Variants in PDZRN4 observed in about 807,000 individuals in gnomAD.
PDZRN4 encodes the protein PDZ domain-containing RING finger protein 4.
A neutral mutation model predicts 99.0 loss-of-function variants in PDZRN4; 70 were observed. The ratio of observed to expected loss-of-function variants is 0.71; its 90% CI spans 0.58 to 0.86. The LOEUF (loss-of-function observed/expected upper bound fraction) is 0.86. Ranked by LOEUF, PDZRN4 falls within the 40% of genes least tolerant of loss-of-function variation. The pLI is 0.00. For synonymous variants in PDZRN4, 551 were observed against 501.6 expected (o/e 1.10, Z -1.32); for missense variants, 1,474 against 1,331.2 (o/e 1.11, Z -1.67).
chr12:41,267,963 G>A (rs1040865233), intron 3 of PDZRN4, among the ~76,000 whole-genome samples: 1 of 152,180 alleles, frequency 6.6e-6, no homozygotes, highest in Middle Eastern at 3.2e-3. Flanking sequence ...GGCTGCCATT[G>A]CTTCCATGGT....
chr12:41,506,858 G>T lies in PDZRN4; in HGVS notation c.1100+146G>T, dbSNP rs1938216076. ...GTTTGGAAAATGTCTCCCCTGTTTT[G>T]ATATGTGCAATTAGTTCTCAGTGGT... is the stretch of plus-strand genomic sequence containing the variant. On this transcript the variant is annotated intron_variant, in intron 4 of 9. Coordinates refer to ENST00000402685, the MANE Select transcript of PDZRN4 (RefSeq NM_001164595.2). The T allele has an allele frequency of 4.7e-6, 4 of 848,918 alleles. No individual in the cohort carries two copies. In the South Asian group the frequency reaches 7.2e-5, roughly 15 times the overall value. 52.6% of individuals were successfully genotyped at this position (848,918 alleles called of 1,614,324 possible).
At chr12:41,484,476 C>T (rs1345049425) in intron 3 of PDZRN4, among the ~76,000 whole-genome samples, 1 of 152,162 alleles carries the variant, frequency 6.6e-6, no homozygotes, top group Non-Finnish European at 1.5e-5. Context: ...CACTTAAAAT[C>T]ACTGCATCTG....
intron 5 of PDZRN4, among the ~76,000 whole-genome samples, chr12:41,518,498 A>C (rs1488411049): frequency 6.6e-6 from 1 of 152,058 alleles, no homozygotes; most frequent in African/African-American, 2.4e-5. Context: ...CTTTGTCTGC[A>C]TTTCAGAGTT....
chr12:41,296,393 G>A (rs1411973751), intron 3 of PDZRN4, among the ~76,000 whole-genome samples: 3 of 152,254 alleles, frequency 2.0e-5, no homozygotes, highest in Middle Eastern at 3.4e-3. Context: ...GCTGCTCAAG[G>A]CATTTGGCTT....
chr12:41,475,791 A>G (rs925864183), intron 3 of PDZRN4, among the ~76,000 whole-genome samples: 7 of 152,306 alleles, frequency 4.6e-5, no homozygotes, highest in East Asian at 1.9e-4. Flanking sequence ...TGCCTGGATG[A>G]TATCTTGAAC....
intron 7 of PDZRN4, among the ~76,000 whole-genome samples, chr12:41,556,181 C>T (rs1382436544): frequency 2.6e-5 from 4 of 152,212 alleles, no homozygotes; most frequent in African/African-American, 9.7e-5. Context: ...GCTATTATTA[C>T]TAGCAGCAGC....
intron 3 of PDZRN4, among the ~76,000 whole-genome samples, chr12:41,344,700 A>G (rs1322313388): frequency 6.7e-6 from 1 of 150,150 alleles, no homozygotes; most frequent in Non-Finnish European, 1.5e-5. Context: ...GTTTCTGTGC[A>G]CTTTTATAAT....
chr12:41,406,052 C>T (rs1167966081), intron 3 of PDZRN4, among the ~76,000 whole-genome samples: 1 of 151,760 alleles, frequency 6.6e-6, no homozygotes, highest in Admixed American at 6.6e-5. Context: ...GCACATGTAC[C>T]CTCTGTATCC....
At chr12:41,481,389 C>T (rs1272571081) in intron 3 of PDZRN4, among the ~76,000 whole-genome samples, 2 of 152,126 alleles carry the variant, frequency 1.3e-5, no homozygotes, top group African/African-American at 2.4e-5. Context: ...ACATATACTT[C>T]TTTGCTCAAA....
chr12:41,366,468 G>T (rs1952001297), intron 3 of PDZRN4, among the ~76,000 whole-genome samples: 1 of 152,070 alleles, frequency 6.6e-6, no homozygotes. Flanking sequence ...CAGCTGAGAA[G>T]TTCCTGGTAA....
chr12:41,571,023 T>C (rs1043600549), intron 9 of PDZRN4, among the ~76,000 whole-genome samples: 1 of 152,136 alleles, frequency 6.6e-6, no homozygotes, highest in Non-Finnish European at 1.5e-5. Context: ...TTAGACTTCT[T>C]TTAGAATATC....
At chr12:41,357,839 A>G (rs1951938423) in intron 3 of PDZRN4, among the ~76,000 whole-genome samples, 1 of 151,970 alleles carries the variant, frequency 6.6e-6, no homozygotes, top group Non-Finnish European at 1.5e-5. Flanking sequence ...CAGTCTCTGA[A>G]TTGTTCCTGG....
intron 3 of PDZRN4, among the ~76,000 whole-genome samples, chr12:41,262,196 T>C (rs985641556): frequency 7.2e-5 from 11 of 152,314 alleles, no homozygotes; most frequent in African/African-American, 2.2e-4. Flanking sequence ...TTCCCAGTGG[T>C]GCTGATTGAT....
rs575012396 is a variant in PDZRN4 at position 41,257,326 on chromosome 12, A to C, written c.843+63138A>C. Among the ~76,000 whole-genome samples, 5 of 152,302 alleles carry C rather than the reference A, an allele frequency of 3.3e-5. No individual in the cohort carries two copies. In the East Asian group the frequency reaches 9.7e-4, roughly 29 times the overall value. ...TTTCATTGTTTCCTCACATGGTGGAAGAGGCAAGGCAGCTCAGAGGCCTCT... is the reference window on the plus strand; with the variant it reads ...TTTCATTGTTTCCTCACATGGTGGACGAGGCAAGGCAGCTCAGAGGCCTCT... On this transcript the variant is annotated intron_variant, in intron 3 of 9. Coordinates refer to ENST00000402685, the MANE Select transcript of PDZRN4 (RefSeq NM_001164595.2).
intron 3 of PDZRN4, among the ~76,000 whole-genome samples, chr12:41,353,542 T>C (rs1346789054): frequency 6.6e-6 from 1 of 152,052 alleles, no homozygotes. Flanking sequence ...TAATGAGACA[T>C]GAATTTGGAG....
At chr12:41,495,593 T>G (rs1436154788) in intron 3 of PDZRN4, among the ~76,000 whole-genome samples, 1 of 152,090 alleles carries the variant, frequency 6.6e-6, no homozygotes, top group Admixed American at 6.6e-5. Context: ...CTAAATGGTT[T>G]CCCTGCTTCC....
intron 3 of PDZRN4, among the ~76,000 whole-genome samples, chr12:41,202,705 A>G (rs948719043): frequency 1.3e-5 from 2 of 152,236 alleles, no homozygotes; most frequent in South Asian, 2.1e-4. Flanking sequence ...AAGAATAGAC[A>G]TTATTCATTA....
intron 3 of PDZRN4, among the ~76,000 whole-genome samples, chr12:41,491,552 A>G (rs1937886697): frequency 6.6e-6 from 1 of 152,054 alleles, no homozygotes; most frequent in African/African-American, 2.4e-5. Context: ...ATAAAAAACA[A>G]AAACCATGAA....
intron 3 of PDZRN4, among the ~76,000 whole-genome samples, chr12:41,277,941 A>T (rs576197481): frequency 6.6e-6 from 1 of 152,310 alleles, no homozygotes; most frequent in South Asian, 2.1e-4. Flanking sequence ...AAAGGATATT[A>T]GTTAGACATT....
Sources: allele counts gnomAD v4.1 joint callset (sites outside exome capture counted in the v4.1 genomes callset), GRCh38; gene constraint gnomAD v4.1.1; transcripts MANE v1.5; gene names NCBI Gene and HGNC (gene_info 2026-07-23, HGNC 2026-07-21).